RBFOX1: variants seen among roughly 807,000 people sequenced by gnomAD.
RBFOX1 encodes RNA binding fox-1 homolog 1.
A neutral mutation model predicts 57.7 loss-of-function variants in RBFOX1; 8 were observed. The observed-to-expected ratio is 0.14, with a 90% CI of 0.08 to 0.25. The LOEUF is 0.25. Among genes scored for constraint, RBFOX1 ranks in the 10% least tolerant of loss-of-function variants. The pLI, the probability that RBFOX1 is intolerant of heterozygous loss-of-function variation, is 1.00. For synonymous variants in RBFOX1, 326 were observed against 222.4 expected, an observed-to-expected ratio of 1.47 and a Z score of -4.15; for missense variants, 611 against 548.5, an observed-to-expected ratio of 1.11 and a Z score of -1.14.
chr16:7,375,311 A>G (rs1188170256), intron 4 of RBFOX1, among the ~76,000 whole-genome samples: 3 of 152,144 alleles, frequency 2.0e-5, no homozygotes, highest in Non-Finnish European at 4.4e-5. Context: ...ATTAGTCTCA[A>G]GGTAATACAA....
intron 4 of RBFOX1, among the ~76,000 whole-genome samples, chr16:7,443,919 C>G (rs959880660): frequency 6.6e-6 from 1 of 152,182 alleles, no homozygotes; most frequent in Non-Finnish European, 1.5e-5. Context: ...TTCTGTATTC[C>G]TTTGTTGCCT....
chr16:5,991,384 C>T (rs1397180207), intron 4 of RBFOX1, among the ~76,000 whole-genome samples: 5 of 152,146 alleles, frequency 3.3e-5, no homozygotes, highest in South Asian at 2.1e-4. Flanking sequence ...CAGAGTAGAG[C>T]GCCGTGGGCT....
At chr16:6,112,265 C>G (rs148435727) in intron 1 of RBFOX1, among the ~76,000 whole-genome samples, 12 of 152,260 alleles carry the variant, frequency 7.9e-5, no homozygotes, top group African/African-American at 2.9e-4. Context: ...TGTCTGGAAT[C>G]TTGTCAGTGT....
At position 7,181,966 on chromosome 16, in the gene RBFOX1, C is replaced by A. The variant is rs17560661; in HGVS notation, c.27+129868C>A. On this transcript the variant is annotated intron_variant, in intron 4 of 15. Coordinates refer to ENST00000550418, the MANE Select transcript of RBFOX1 (RefSeq NM_018723.4). Reference sequence around the variant, plus strand: ...ATACAGGAAGGAAAAGGGTTAATTTCTTTGTAACAGAGATAGTGAATAACA... The same window carrying A: ...ATACAGGAAGGAAAAGGGTTAATTTATTTGTAACAGAGATAGTGAATAACA... Among the ~76,000 whole-genome samples the A allele has an allele frequency of 4.1e-3, 625 of 152,292 alleles. 2 individuals carry two copies. The highest frequency in any genetic ancestry group is 6.1e-3 in the Non-Finnish European group (418 of 68,022).
chr16:5,981,720 C>T (rs1158753323), intron 4 of RBFOX1, among the ~76,000 whole-genome samples: 1 of 152,152 alleles, frequency 6.6e-6, no homozygotes, highest in Non-Finnish European at 1.5e-5. Context: ...CCACCTGCCT[C>T]ACCCTCCCAA....
chr16:6,878,704 A>G (rs1199119293), intron 3 of RBFOX1, among the ~76,000 whole-genome samples: 1 of 152,096 alleles, frequency 6.6e-6, no homozygotes, highest in African/African-American at 2.4e-5. Flanking sequence ...AAAGTAACAG[A>G]AATTCAGCAA....
intron 2 of RBFOX1, among the ~76,000 whole-genome samples, chr16:5,588,303 C>G (rs996937808): frequency 6.6e-6 from 1 of 152,028 alleles, no homozygotes; most frequent in African/African-American, 2.4e-5. Flanking sequence ...TGTGAACATA[C>G]TAAAACCCAT....
intron 3 of RBFOX1, among the ~76,000 whole-genome samples, chr16:6,724,984 A>G (rs73543648): frequency 2.0e-5 from 3 of 148,146 alleles, no homozygotes; most frequent in Admixed American, 1.3e-4. Context: ...CAAATAGTGT[A>G]TAATGAGTAA....
At chr16:5,523,420 G>C (rs1309722692) in intron 2 of RBFOX1, among the ~76,000 whole-genome samples, 1 of 152,064 alleles carries the variant, frequency 6.6e-6, no homozygotes, top group Admixed American at 6.5e-5. Context: ...TTTGGGACCA[G>C]CCTGAACAAG....
At chr16:6,653,992 G>GGTGT (rs2098625518) in intron 2 of RBFOX1, among the ~76,000 whole-genome samples, 1 of 150,880 alleles carries the variant, frequency 6.6e-6, no homozygotes, top group Non-Finnish European at 1.5e-5. Flanking sequence ...TGGATGGATG[G>GGTGT]ATGGATGGAT....
intron 4 of RBFOX1, among the ~76,000 whole-genome samples, chr16:7,313,152 C>T (rs931162476): frequency 6.6e-6 from 1 of 152,182 alleles, no homozygotes; most frequent in Non-Finnish European, 1.5e-5. Flanking sequence ...ACAAAAGCGC[C>T]TCCTGAAAGT....
chr16:6,500,412 T>A (rs749510128), intron 2 of RBFOX1, among the ~76,000 whole-genome samples: 1 of 152,180 alleles, frequency 6.6e-6, no homozygotes, highest in African/African-American at 2.4e-5. Context: ...ACCATTTATA[T>A]GATATTGTTA....
chr16:5,560,895 T>C (rs1446424120), intron 2 of RBFOX1, among the ~76,000 whole-genome samples: 1 of 152,216 alleles, frequency 6.6e-6, no homozygotes, highest in Non-Finnish European at 1.5e-5. Context: ...TAGGTCCTGC[T>C]GTGATGTGCA....
chr16:5,496,198 C>T (rs937417134), intron 2 of RBFOX1, among the ~76,000 whole-genome samples: 5 of 152,182 alleles, frequency 3.3e-5, no homozygotes, highest in African/African-American at 7.2e-5. Flanking sequence ...ACATCTCTCT[C>T]GAGTGCACCT....
intron 2 of RBFOX1, among the ~76,000 whole-genome samples, chr16:6,555,742 T>A (rs1345599541): frequency 1.7e-4 from 26 of 152,084 alleles, no homozygotes; most frequent in Admixed American, 1.7e-3. Flanking sequence ...AAGATATCAT[T>A]CCATCTATTG....
chr16:7,504,174 G>C (rs2071967703), intron 4 of RBFOX1, among the ~76,000 whole-genome samples: 1 of 152,050 alleles, frequency 6.6e-6, no homozygotes, highest in South Asian at 2.1e-4. Flanking sequence ...AATTTTCTTA[G>C]CGTCTCAGAG....
intron 1 of RBFOX1, among the ~76,000 whole-genome samples, chr16:6,178,496 G>A (rs576566875): frequency 1.3e-5 from 2 of 152,024 alleles, no homozygotes; most frequent in African/African-American, 4.8e-5. Context: ...GCCCATATCT[G>A]TAGACTCAGA....
rs569488077 is a variant in RBFOX1 at position 6,229,639 on chromosome 16, G to A, written c.-126-87356G>A. Among the ~76,000 whole-genome samples the A allele has an allele frequency of 5.9e-5, 9 of 151,782 alleles. No homozygotes were observed. The South Asian group carries it at 1.9e-3, about 32-fold the overall frequency. ...GAGGAACCAGGAAGAAATTTAGTAT[G>A]CATATAAATTTAATGCAAAATAAAA... On this transcript the variant is annotated intron_variant, in intron 1 of 15. Coordinates refer to ENST00000550418, the MANE Select transcript of RBFOX1 (RefSeq NM_018723.4).
chr16:6,452,898 A>G (rs1020821393), intron 2 of RBFOX1, among the ~76,000 whole-genome samples: 8 of 152,226 alleles, frequency 5.3e-5, no homozygotes. Context: ...AGCCCTTAGC[A>G]CACAGCTTTG....
Sources: allele counts gnomAD v4.1 joint callset (sites outside exome capture counted in the v4.1 genomes callset), GRCh38; gene constraint gnomAD v4.1.1; transcripts MANE v1.5; gene names NCBI Gene and HGNC (gene_info 2026-07-23, HGNC 2026-07-21).